Variants in TVP23C observed in about 807,000 individuals in gnomAD.
The protein encoded by TVP23C is Golgi apparatus membrane protein TVP23 homolog C.
In TVP23C, 19 loss-of-function variants were observed where a neutral mutation model predicts 28.7. That is an observed-to-expected ratio of 0.66 (90% CI 0.46 to 0.97). The LOEUF (loss-of-function observed/expected upper bound fraction) is 0.97. TVP23C is among the 50% of genes least tolerant of loss of function. The probability of loss-of-function intolerance (pLI) is 0.00; values close to 1 mark genes in which losing one functional copy is unlikely to be tolerated. For synonymous variants in TVP23C, 68 were observed against 81.7 expected (o/e 0.83, Z 0.90); for missense variants, 186 against 241.3 (o/e 0.77, Z 1.52).
chr17:15,541,916 G>T lies in TVP23C; in HGVS notation c.463-1355C>A, dbSNP rs960501567. On this transcript the variant is annotated intron_variant, in intron 5 of 5. Coordinates refer to ENST00000518321, the MANE Select transcript of TVP23C (RefSeq NM_001135036.2). ...AAGACCAATCACGGGTCCTGCTAAGGCATCGATTTACTCAATGGCAACAAA... is the reference window on the plus strand; with the variant it reads ...AAGACCAATCACGGGTCCTGCTAAGTCATCGATTTACTCAATGGCAACAAA... Among the ~76,000 whole-genome samples, 4 of 152,266 alleles carry T rather than the reference G, an allele frequency of 2.6e-5. No homozygotes were observed. In the South Asian group the frequency reaches 6.2e-4, roughly 24 times the overall value.
In TVP23C at chr17:15,529,323, A is replaced by G. The variant is rs1055116594; in HGVS notation, c.462+16462T>C. ...AAAAATTAGCCTGGCATGGTGGTGCAGGCCTGTAATCCCAGCTAATCGGGA... is the reference window on the plus strand; with the variant it reads ...AAAAATTAGCCTGGCATGGTGGTGCGGGCCTGTAATCCCAGCTAATCGGGA... On this transcript the variant is annotated intron_variant, in intron 5 of 5. Transcript: ENST00000225576. Among the ~76,000 whole-genome samples the G allele has an allele frequency of 1.1e-4, 16 of 152,154 alleles. No homozygotes were observed. The South Asian group carries it at 2.7e-3, about 26-fold the overall frequency.
intron 5 of TVP23C, among the ~76,000 whole-genome samples, chr17:15,518,973 T>C (rs1982352430): frequency 6.6e-6 from 1 of 152,140 alleles, no homozygotes; most frequent in Non-Finnish European, 1.5e-5. Context: ...TCACAAGATT[T>C]GATGGTTGAA....
intron 5 of TVP23C, chr17:15,507,176 TACAAA>T: frequency 1.3e-6 from 1 of 747,982 alleles, no homozygotes; most frequent in African/African-American, 1.7e-5. Flanking sequence ...CAGGACCCGA[TACAAA>T]CGGTTCCTAA....
intron 1 of TVP23C, among the ~76,000 whole-genome samples, chr17:15,558,866 A>AT (rs564958078): frequency 0.075 from 9,950 of 133,230 alleles, 961 homozygotes; most frequent in Non-Finnish European, 0.1. Context: ...CAGACTGGCC[A>AT]TTTTTTTTTT....
chr17:15,507,678 A>G (rs1981819158), intron 5 of TVP23C, among the ~76,000 whole-genome samples: 2 of 152,030 alleles, frequency 1.3e-5, no homozygotes, highest in South Asian at 4.1e-4. Context: ...CTCTACTAAA[A>G]ATACAAAAAA....
chr17:15,553,205 G>A (rs553163952), intron 3 of TVP23C, among the ~76,000 whole-genome samples: 37 of 143,978 alleles, frequency 2.6e-4, no homozygotes, highest in Non-Finnish European at 4.8e-4. Flanking sequence ...TATTCAGTGG[G>A]TGGCAAGCTT....
chr17:15,504,691 GC>G (rs1161765960), intron 5 of TVP23C, among the ~76,000 whole-genome samples: 1 of 152,012 alleles, frequency 6.6e-6, no homozygotes, highest in Non-Finnish European at 1.5e-5. Context: ...GCACCACCAT[GC>G]CCAGCACATT....
chr17:15,503,535 A>G (rs1357581974), intron 5 of TVP23C: 3 of 212,852 alleles, frequency 1.4e-5, no homozygotes, highest in African/African-American at 6.8e-5. Context: ...TTGTTGCCTT[A>G]TTATGTTCTA....
intron 5 of TVP23C, among the ~76,000 whole-genome samples, chr17:15,541,785 A>C (rs1195479908): frequency 6.6e-6 from 1 of 152,224 alleles, no homozygotes; most frequent in East Asian, 1.9e-4. Context: ...ATAAATATAA[A>C]ACTGTGTATT....
chr17:15,521,143 G>A lies in TVP23C; in HGVS notation c.463-17911C>T, dbSNP rs182043902. Among the ~76,000 whole-genome samples, 628 of 151,874 alleles carry A rather than the reference G, an allele frequency of 4.1e-3. 3 individuals are homozygous for A. Among genetic ancestry groups the A allele is most frequent in the Middle Eastern group, 0.034 (10 of 294 alleles). On this transcript the variant is annotated intron_variant, in intron 5 of 5. Transcript: ENST00000225576. ...TGAGAATTCCCCCCACTTGATACAC[G>A]GTTTCAATGGAGTTATGATCAAAAT...
intron 5 of TVP23C, among the ~76,000 whole-genome samples, chr17:15,523,012 AT>A (rs879342813): frequency 2.3e-3 from 338 of 146,334 alleles, no homozygotes; most frequent in Middle Eastern, 3.5e-3. Flanking sequence ...ATAGAGCAGA[AT>A]TTTTTTTTTT....
At chr17:15,551,192 C>T (rs1241980555) in intron 3 of TVP23C, among the ~76,000 whole-genome samples, 1 of 151,778 alleles carries the variant, frequency 6.6e-6, no homozygotes, top group Non-Finnish European at 1.5e-5. Flanking sequence ...TCTCGGCTCA[C>T]TGCCAAGCTC....
chr17:15,524,109 T>TGTGTGTGTGTG (rs1982618711), intron 5 of TVP23C, among the ~76,000 whole-genome samples: 1 of 146,140 alleles, frequency 6.8e-6, no homozygotes, highest in Non-Finnish European at 1.5e-5. Flanking sequence ...TGTGTGTGTG[T>TGTGTGTGTGTG]TACTCCCGTC....
At chr17:15,531,340 A>G (rs1364596802) in intron 5 of TVP23C, among the ~76,000 whole-genome samples, 1 of 152,056 alleles carries the variant, frequency 6.6e-6, no homozygotes, top group African/African-American at 2.4e-5. Context: ...TAGCTCATGT[A>G]TTTCATTGAA....
chr17:15,547,077 C>T lies in TVP23C; in HGVS notation c.312G>A (p.Trp104Ter). Residue 104 changes from tryptophan (W) to a stop codon, truncating the protein, a stop_gained, in exon 4 of 6, where the codon TGG becomes TGA. Transcript: ENST00000518321. LOFTEE classifies it high-confidence loss of function. ...NHIDEDGKSH[W>*]VFESRKESSQ... Reference sequence around the variant, plus strand: ...ACTTTACCTTTCTAGATTCAAACACCCAATGGCTCTTTCCATCTTCATCAA... The same window carrying T: ...ACTTTACCTTTCTAGATTCAAACACTCAATGGCTCTTTCCATCTTCATCAA... The T allele has an allele frequency of 6.2e-7, 1 of 1,605,202 alleles. No homozygotes were observed. The highest frequency in any genetic ancestry group is 1.7e-4 in the Middle Eastern group (1 of 6,004).
intron 5 of TVP23C, among the ~76,000 whole-genome samples, chr17:15,507,567 G>C (rs530544820): frequency 6.6e-6 from 1 of 152,180 alleles, no homozygotes; most frequent in African/African-American, 2.4e-5. Context: ...GGCCGGGCGC[G>C]GTGGCTCACG....
At chr17:15,528,092 G>A (rs1982800175) in intron 5 of TVP23C, among the ~76,000 whole-genome samples, 1 of 151,828 alleles carries the variant, frequency 6.6e-6, no homozygotes, top group Non-Finnish European at 1.5e-5. Context: ...TGTTTTTCAA[G>A]TCTTTATGTT....
chr17:15,536,915 TCA>T (rs1983179439), downstream of TVP23C: 1 of 217,850 alleles, frequency 4.6e-6, no homozygotes, highest in Non-Finnish European at 7.8e-6. Context: ...AACCTGAAGT[TCA>T]GTTATATCAT....
At chr17:15,550,512 C>T (rs1411271256) in intron 3 of TVP23C, among the ~76,000 whole-genome samples, 1 of 152,156 alleles carries the variant, frequency 6.6e-6, no homozygotes, top group East Asian at 1.9e-4. Context: ...TTGATGTTGC[C>T]AATTATTTCA....
Sources: gnomAD v4.1 joint callset for allele counts (sites outside exome capture counted in the v4.1 genomes callset) on GRCh38, gnomAD v4.1.1 for gene constraint, MANE v1.5 for transcripts, NCBI Gene and HGNC (gene_info 2026-07-23, HGNC 2026-07-21) for gene names.